The following ZC3H3 variants were observed in gnomAD, a reference collection of about 807,000 sequenced individuals.
ZC3H3 encodes the protein zinc finger CCCH domain-containing protein 3.
A neutral mutation model predicts 77.3 loss-of-function variants in ZC3H3; 36 were observed. The observed-to-expected ratio is 0.47, with a 90% confidence interval of 0.36 to 0.61. The LOEUF is 0.61. ZC3H3 is among the 20% of genes least tolerant of loss of function. The probability of loss-of-function intolerance (pLI) is 0.00; values close to 1 mark genes in which losing one functional copy is unlikely to be tolerated. For synonymous variants in ZC3H3, 626 were observed against 555.2 expected (o/e 1.13, Z -1.79); for missense variants, 1,331 against 1,312.2 (o/e 1.01, Z -0.22).
rs1247550047 is a variant in ZC3H3, at chr8:143,475,557, C to G, written c.1744G>C (p.Val582Leu). 1 of 1,607,452 alleles carries G rather than the reference C, an allele frequency of 6.2e-7. No individual in the cohort carries two copies. Among genetic ancestry groups the G allele is most frequent in the Admixed American group, 1.7e-5 (1 of 59,024 alleles). ...RSLVLNRLRP[V>L]ASGGGKAQPG... ...TGGGCTTTCCCACCCCCGCTGGCAA[C>G]TGGACGCAGGCGGTTCAGCACCAGG... The change falls in exon 5 of 12, where the codon GTT becomes CTT. Residue 582 changes from valine to leucine, a missense_variant. This residue lies in a region of ZC3H3 where 978 missense variants were observed against 915.5 expected (regional missense o/e 1.07). Coordinates refer to ENST00000262577, the MANE Select transcript of ZC3H3 (RefSeq NM_015117.3).
chr8:143,495,794 C>T (rs976577288), intron 4 of ZC3H3, among the ~76,000 whole-genome samples: 5 of 146,940 alleles, frequency 3.4e-5, no homozygotes, highest in African/African-American at 1.0e-4. Context: ...TAGAGACAGA[C>T]GTCTCACTAT....
At chr8:143,439,212 G>A (rs1350464492) in intron 11 of ZC3H3, among the ~76,000 whole-genome samples, 7 of 152,300 alleles carry the variant, frequency 4.6e-5, no homozygotes, top group East Asian at 1.9e-4. Context: ...CTCGTGGGGC[G>A]GAGGGTCTGG....
chr8:143,444,713 C>T lies in ZC3H3; in HGVS notation c.2308-3593G>A, dbSNP rs528146586. ...CAAATTAGTGATTGAAGGTAACTTC[C>T]TCAGCCTGAAATACAGGGTTTCGTA... On this transcript the variant is annotated intron_variant, in intron 9 of 11. Transcript: ENST00000262577. Among the ~76,000 whole-genome samples the T allele has an allele frequency of 2.6e-5, 4 of 152,224 alleles. No individual in the cohort carries two copies. The South Asian group carries it at 8.3e-4, about 32-fold the overall frequency.
intron 3 of ZC3H3, chr8:143,523,506 G>A (rs906736565): frequency 2.1e-5 from 21 of 985,298 alleles, no homozygotes; most frequent in African/African-American, 1.9e-4. Flanking sequence ...CCCTACAGAC[G>A]GAAGCCACCT....
intron 4 of ZC3H3, among the ~76,000 whole-genome samples, chr8:143,484,260 C>T (rs570789789): frequency 4.7e-4 from 71 of 152,320 alleles, no homozygotes; most frequent in Admixed American, 1.5e-3. Context: ...ATCCCTGCCC[C>T]GTCTCACCCC....
chr8:143,458,020 A>G (rs1340559651), intron 9 of ZC3H3, among the ~76,000 whole-genome samples: 1 of 152,214 alleles, frequency 6.6e-6, no homozygotes, highest in Non-Finnish European at 1.5e-5. Flanking sequence ...ACAGAAAACC[A>G]AAAGAGAAAA....
In ZC3H3 at chr8:143,538,490, G is replaced by A. The variant is rs143014673; in HGVS notation, c.877C>T (p.Arg293Trp). 4.3e-3 allele frequency: 6,982 copies of A among 1,612,822 alleles called. 33 individuals carry two copies. The highest frequency in any genetic ancestry group is 4.5e-3 in the Non-Finnish European group (5,304 of 1,180,000). ...CAGGTCACAACCAGCGAGGCCTCCC[G>A]GGCCTGCCTGGGTCCTGAGGCCGGT... The part of the protein sequence containing the change: ...ARPASGPRQA[R>W]EASLVVTCRT... The change falls in exon 2 of 12, where the codon CGG becomes TGG. Residue 293 changes from arginine to tryptophan, a missense_variant. Arg to Trp is a moderately radical substitution (Grantham distance 101). This residue lies in a region of ZC3H3 where 978 missense variants were observed against 915.5 expected (regional missense o/e 1.07). Transcript: ENST00000262577.
At chr8:143,468,353 C>T (rs1164504068) in intron 7 of ZC3H3, 29 bp downstream of exon 7, 4 of 1,611,856 alleles carry the variant, frequency 2.5e-6, no homozygotes, top group Admixed American at 1.7e-5. Context: ...AGAACCTCCC[C>T]CAGGCCCACA....
chr8:143,491,120 A>ACACATATC (rs758434725), intron 4 of ZC3H3, among the ~76,000 whole-genome samples: 30 of 152,246 alleles, frequency 2.0e-4, no homozygotes, highest in Non-Finnish European at 3.4e-4. Flanking sequence ...TGGCAGACAC[A>ACACATATC]CACATATCCA....
intron 3 of ZC3H3, among the ~76,000 whole-genome samples, chr8:143,529,239 C>T (rs147945311): frequency 3.3e-5 from 5 of 152,088 alleles, no homozygotes; most frequent in Non-Finnish European, 5.9e-5. Flanking sequence ...CGCTGGTCAC[C>T]GGGAGAAGCC....
chr8:143,471,960 C>T (rs984417262), intron 5 of ZC3H3, among the ~76,000 whole-genome samples: 6 of 152,224 alleles, frequency 3.9e-5, no homozygotes, highest in Non-Finnish European at 7.3e-5. Flanking sequence ...CCTCGCCTGT[C>T]GACCCAAAGG....
intron 3 of ZC3H3, among the ~76,000 whole-genome samples, chr8:143,517,631 A>G (rs1822102283): frequency 6.6e-6 from 1 of 152,016 alleles, no homozygotes; most frequent in Non-Finnish European, 1.5e-5. Context: ...AGCTCTCCCC[A>G]CTGGCCTGCA....
At chr8:143,513,370 C>T (rs1433906639) in intron 3 of ZC3H3, among the ~76,000 whole-genome samples, 1 of 152,192 alleles carries the variant, frequency 6.6e-6, no homozygotes, top group Non-Finnish European at 1.5e-5. Context: ...GCCGACAAGG[C>T]AGGTGAGCCC....
intron 4 of ZC3H3, among the ~76,000 whole-genome samples, chr8:143,477,366 C>G (rs1279534028): frequency 6.6e-6 from 1 of 152,134 alleles, no homozygotes; most frequent in Non-Finnish European, 1.5e-5. Flanking sequence ...CTGGCCCCCA[C>G]CTCCCACCTA....
intron 8 of ZC3H3, 140 bp from the exon 9 acceptor site, chr8:143,465,988 G>C (rs950968399): frequency 3.3e-6 from 4 of 1,228,322 alleles, no homozygotes; most frequent in Non-Finnish European, 3.3e-6. Context: ...CAGCCACCAC[G>C]ACCTGCGGGG....
rs1276290338 is a variant in ZC3H3, at chr8:143,438,094, A to C, written c.2816-7T>G. Reference sequence around the variant, plus strand: ...TTGATGTGCAGAGGCTTCCCTATGCAAAGAGGGCAAAAGTTAGGTGCCCGG... The same window carrying C: ...TTGATGTGCAGAGGCTTCCCTATGCCAAGAGGGCAAAAGTTAGGTGCCCGG... On this transcript the variant is annotated splice_polypyrimidine_tract_variant and splice_region_variant and intron_variant, in intron 11 of 11. Transcript: ENST00000262577. 3 of 1,608,312 alleles carry C rather than the reference A, an allele frequency of 1.9e-6. No homozygotes were observed. The highest frequency in any genetic ancestry group is 1.7e-6 in the Non-Finnish European group (2 of 1,177,568).
intron 3 of ZC3H3, among the ~76,000 whole-genome samples, chr8:143,534,722 C>T (rs1006691208): frequency 3.3e-5 from 5 of 152,162 alleles, no homozygotes; most frequent in Non-Finnish European, 5.9e-5. Flanking sequence ...GATAAGCCCA[C>T]GACCTAACCA....
chr8:143,524,983 A>G (rs1054373338), intron 3 of ZC3H3, among the ~76,000 whole-genome samples: 2 of 152,250 alleles, frequency 1.3e-5, no homozygotes, highest in Non-Finnish European at 2.9e-5. Flanking sequence ...TACACACTCG[A>G]GCAAACCAAC....
chr8:143,437,905 T>C lies in ZC3H3; in HGVS notation c.*151A>G. 1.5e-5 allele frequency: 17 copies of C among 1,122,338 alleles called. No homozygotes were observed. The South Asian group carries it at 2.2e-4, about 15-fold the overall frequency. 69.5% of individuals were successfully genotyped at this position (1,122,338 alleles called of 1,614,324 possible). ...CTGCGCACACGCTGGTCATGGAAGG[T>C]TGAGGGCCAGGCAGGCAGAGCAGTG... On this transcript the variant is annotated 3_prime_UTR_variant, in exon 12 of 12. Transcript: ENST00000262577.
Sources: allele counts gnomAD v4.1 joint callset (sites outside exome capture counted in the v4.1 genomes callset), GRCh38; gene constraint gnomAD v4.1.1; regional missense constraint gnomAD v4.1.1; transcripts MANE v1.5; gene names NCBI Gene and HGNC (gene_info 2026-07-23, HGNC 2026-07-21).